KRTDAP: variants seen among roughly 807,000 people sequenced by gnomAD.
KRTDAP encodes keratinocyte differentiation-associated protein.
In KRTDAP, 14 loss-of-function variants were observed where a neutral mutation model predicts 18.6. That is an observed-to-expected ratio of 0.75 (90% confidence interval 0.50 to 1.18). KRTDAP has a LOEUF of 1.18. Ranked by LOEUF, KRTDAP falls within the 50% of genes most tolerant of loss-of-function variation. The pLI, the probability that KRTDAP is intolerant of heterozygous loss-of-function variation, is 0.00. For synonymous variants in KRTDAP, 53 were observed against 49.5 expected, an observed-to-expected ratio of 1.07 and a Z score of -0.29; for missense variants, 114 against 121.3, an observed-to-expected ratio of 0.94 and a Z score of 0.28.
intron 5 of KRTDAP, 86 bp downstream of exon 5, chr19:35,487,626 T>C: frequency 7.8e-7 from 1 of 1,278,806 alleles, no homozygotes; most frequent in Non-Finnish European, 1.1e-6. Context: ...TGATCCTCCT[T>C]TCCCTGTCCC....
Position 35,488,689 on chromosome 19 carries a change from C to T in KRTDAP, c.141G>A (p.Pro47=), listed in dbSNP as rs760896575. The change falls in exon 3 of 6, where the codon CCG becomes CCA. Residue 47 remains proline, a synonymous_variant. Transcript: ENST00000338897. ...ATCGCAATTTGTCGATGTTCAGGAA[C>T]GGGGTGTTAAAGGCCTAGGCAGAAA... is the stretch of plus-strand genomic sequence containing the variant. ...YASRPEAFNT[P]FLNIDKLRSA... 2.1e-5 allele frequency: 34 copies of T among 1,613,942 alleles called. No homozygotes were observed. The highest frequency in any genetic ancestry group is 1.6e-4 in the East Asian group (7 of 44,890).
chr19:35,487,660 C>T, intron 5 of KRTDAP, 52 bp downstream of exon 5: 2 of 1,477,264 alleles, frequency 1.4e-6, no homozygotes, highest in Non-Finnish European at 1.9e-6. Context: ...ATATCTTCTG[C>T]TTCTTCCCTT....
Position 35,487,386 on chromosome 19 carries a change from A to G in KRTDAP, c.*42T>C. 3 of 1,595,542 alleles carry G rather than the reference A, an allele frequency of 1.9e-6. No homozygotes were observed. The highest frequency in any genetic ancestry group is 2.6e-6 in the Non-Finnish European group (3 of 1,162,864). On this transcript the variant is annotated 3_prime_UTR_variant, in exon 6 of 6. Coordinates refer to ENST00000338897, the MANE Select transcript of KRTDAP (RefSeq NM_207392.3). ...AGGAAAGAGTTATGGTAGGTTGAGAATCAGCGCTCACGCTAGCCCCCTCTT... is the reference window on the plus strand; with the variant it reads ...AGGAAAGAGTTATGGTAGGTTGAGAGTCAGCGCTCACGCTAGCCCCCTCTT...
chr19:35,489,087 G>A (rs1399736973), intron 1 of KRTDAP, among the ~76,000 whole-genome samples: 5 of 152,200 alleles, frequency 3.3e-5, no homozygotes, highest in African/African-American at 4.8e-5. Flanking sequence ...GCCTGGAGCC[G>A]AGCATTCCTC....
chr19:35,490,276 C>G (rs2067514825), intron 1 of KRTDAP, 80 bp downstream of exon 1: 1 of 846,272 alleles, frequency 1.2e-6, no homozygotes, highest in Non-Finnish European at 1.8e-6. Context: ...GCCACTTATC[C>G]AGGAATGGAC....
At position 35,487,329 on chromosome 19, in the gene KRTDAP, G is replaced by T; in HGVS notation, c.*99C>A. The T allele has an allele frequency of 8.8e-7, 1 of 1,135,786 alleles. No individual in the cohort carries two copies. 70.4% of individuals were successfully genotyped at this position (1,135,786 alleles called of 1,614,324 possible). A position where few individuals can be genotyped will look rare whatever the true frequency, so the allele number is the denominator to read the frequency against. ...AGAGACGCAGATACAGGAGCTGTTG[G>T]ATGGAAAATGTTTTATTGGAGTTCC... On this transcript the variant is annotated 3_prime_UTR_variant, in exon 6 of 6. Coordinates refer to ENST00000338897, the MANE Select transcript of KRTDAP (RefSeq NM_207392.3).
intron 1 of KRTDAP, among the ~76,000 whole-genome samples, chr19:35,489,617 C>G (rs1007567): frequency 0.15 from 23,242 of 152,076 alleles, 2,224 homozygotes; most frequent in African/African-American, 0.25. Context: ...CCCTGACAGC[C>G]CCCCCAGCTC....
chr19:35,487,509 G>T, intron 5 of KRTDAP, 43 bp from the exon 6 acceptor site: 1 of 1,526,292 alleles, frequency 6.6e-7, no homozygotes, highest in Non-Finnish European at 9.1e-7. Flanking sequence ...ACCCGTGGGT[G>T]CCCAGTATAG....
At position 35,487,733 on chromosome 19, in the gene KRTDAP, G is replaced by A; in HGVS notation, c.240C>T (p.Leu80=). ...TTACCTTAGGAAAGGCATCCCAGTT[G>A]AGGAAAGGAAGTTTCCTTTTGATAG... ...FESIKRKLPF[L]NWDAFPKLKG... Residue 80 remains leucine, a synonymous_variant, in exon 5 of 6, where the codon CTC becomes CTT. Transcript: ENST00000338897. 2 of 1,613,328 alleles carry A rather than the reference G, an allele frequency of 1.2e-6. No homozygotes were observed. Among genetic ancestry groups the A allele is most frequent in the Non-Finnish European group, 1.7e-6 (2 of 1,179,332 alleles).
chr19:35,488,928 TC>T, intron 1 of KRTDAP, 88 bp from the exon 2 acceptor site: 2 of 1,268,410 alleles, frequency 1.6e-6, no homozygotes, highest in Non-Finnish European at 1.1e-6. Context: ...TCTGCCTTCA[TC>T]CACAGCCCAG....
chr19:35,487,805 G>A (rs780496653), intron 4 of KRTDAP, 46 bp from the exon 5 acceptor site: 171 of 1,254,460 alleles, frequency 1.4e-4, no homozygotes, highest in Middle Eastern at 3.7e-4. Flanking sequence ...CAGGTCAGCC[G>A]GGCATGGATG....
At chr19:35,487,985 G>C (rs1477019957) in intron 4 of KRTDAP, among the ~76,000 whole-genome samples, 1 of 152,162 alleles carries the variant, frequency 6.6e-6, no homozygotes, top group African/African-American at 2.4e-5. Flanking sequence ...AACCTTTTGT[G>C]GTGGGAATTG....
At chr19:35,489,166 C>T (rs2067509078) in intron 1 of KRTDAP, among the ~76,000 whole-genome samples, 1 of 152,192 alleles carries the variant, frequency 6.6e-6, no homozygotes, top group Non-Finnish European at 1.5e-5. Flanking sequence ...TCTGGAGACA[C>T]CCACGCTCAG....
chr19:35,487,502 C>T (rs376110913), intron 5 of KRTDAP, 36 bp from the exon 6 acceptor site: 105 of 1,578,554 alleles, frequency 6.7e-5, no homozygotes, highest in Non-Finnish European at 8.6e-5. Flanking sequence ...ATGGGGAACC[C>T]GTGGGTGCCC....
intron 4 of KRTDAP, among the ~76,000 whole-genome samples, chr19:35,488,094 C>A (rs1402990858): frequency 6.6e-6 from 1 of 152,186 alleles, no homozygotes; most frequent in Admixed American, 6.5e-5. Flanking sequence ...GAGACGCGGG[C>A]CCCAGCTCTG....
At chr19:35,488,023 G>A (rs963457844) in intron 4 of KRTDAP, among the ~76,000 whole-genome samples, 17 of 152,162 alleles carry the variant, frequency 1.1e-4, no homozygotes, top group African/African-American at 1.4e-4. Flanking sequence ...CAGAGGAAGC[G>A]GAGGCCGAGG....
chr19:35,488,487 TGAG>T lies in KRTDAP; in HGVS notation c.169-5_169-3del, dbSNP rs2067504243. 6.2e-7 allele frequency: 1 copy of T among 1,613,548 alleles called. No individual in the cohort carries two copies. ...CAGGAACTCATCAGCCTTAAACGCC[TGAG>T]GAGGAAGAGAGACAGCAGAAGCAGG... On this transcript the variant is annotated splice_region_variant and splice_polypyrimidine_tract_variant and intron_variant, in intron 3 of 5. Transcript: ENST00000338897.
At chr19:35,488,889 G>C (rs758328482) in intron 1 of KRTDAP, 49 bp from the exon 2 acceptor site, 30 of 1,579,856 alleles carry the variant, frequency 1.9e-5, no homozygotes, top group Non-Finnish European at 1.5e-5. Flanking sequence ...GTGATGCCAG[G>C]GCCCTTGCCC....
At chr19:35,488,513 A>G (rs746550041) in intron 3 of KRTDAP, 28 bp from the exon 4 acceptor site, 1 of 1,613,652 alleles carries the variant, frequency 6.2e-7, no homozygotes, top group Non-Finnish European at 8.5e-7. Flanking sequence ...CAGCAGAAGC[A>G]GGTCAGCTCC....
Sources: allele counts gnomAD v4.1 joint callset (sites outside exome capture counted in the v4.1 genomes callset), GRCh38; gene constraint gnomAD v4.1.1; transcripts MANE v1.5; gene names NCBI Gene and HGNC (gene_info 2026-07-23, HGNC 2026-07-21).